The following EPHA5 variants were observed in gnomAD, a reference collection of about 807,000 sequenced individuals.
EPHA5 encodes the protein EPH receptor A5.
In EPHA5, 60 loss-of-function variants were observed where a neutral mutation model predicts 105.0. The ratio of observed to expected loss-of-function variants is 0.57; its 90% CI spans 0.46 to 0.71. The LOEUF (loss-of-function observed/expected upper bound fraction) is 0.71, where lower values mean the gene tolerates loss of function less well. EPHA5 is among the 30% of genes least tolerant of loss of function. The pLI, the probability that EPHA5 is intolerant of heterozygous loss-of-function variation, is 0.00. For missense variants in EPHA5, 1,218 were observed against 1,274.7 expected, an observed-to-expected ratio of 0.96 and a Z score of 0.68; for synonymous variants, 513 against 449.1, an observed-to-expected ratio of 1.14 and a Z score of -1.80.
chr4:65,636,675 A>G (rs759067620), intron 2 of EPHA5, among the ~76,000 whole-genome samples: 3 of 152,230 alleles, frequency 2.0e-5, no homozygotes, highest in Non-Finnish European at 2.9e-5. Flanking sequence ...TGCCAAATAC[A>G]GAATACGTGC....
At chr4:65,577,877 T>C (rs1429230514) in intron 3 of EPHA5, among the ~76,000 whole-genome samples, 1 of 152,156 alleles carries the variant, frequency 6.6e-6, no homozygotes, top group East Asian at 1.9e-4. Context: ...CTCATCAGAC[T>C]GGTATGTGAC....
chr4:65,546,237 CA>C (rs1319629224), intron 3 of EPHA5, among the ~76,000 whole-genome samples: 1 of 151,948 alleles, frequency 6.6e-6, no homozygotes, highest in African/African-American at 2.4e-5. Flanking sequence ...CATAATATTT[CA>C]GACACAAAAT....
At chr4:65,377,633 A>T (rs2148921777) in intron 8 of EPHA5, among the ~76,000 whole-genome samples, 1 of 152,128 alleles carries the variant, frequency 6.6e-6, no homozygotes, top group East Asian at 1.9e-4. Flanking sequence ...ATTTAAAAAC[A>T]GTATCTCCAA....
chr4:65,563,936 A>C (rs1052081454), intron 3 of EPHA5, among the ~76,000 whole-genome samples: 2 of 151,990 alleles, frequency 1.3e-5, no homozygotes, highest in South Asian at 2.1e-4. Context: ...ACTATAACAT[A>C]TTCCACAAAT....
At chr4:65,343,736 A>G (rs1168559867) in intron 14 of EPHA5, among the ~76,000 whole-genome samples, 2 of 152,186 alleles carry the variant, frequency 1.3e-5, no homozygotes, top group Non-Finnish European at 2.9e-5. Flanking sequence ...GAAAGTAACA[A>G]TGCATGCATT....
intron 2 of EPHA5, among the ~76,000 whole-genome samples, chr4:65,637,569 CATATATATATATATATAT>C (rs34456844): frequency 8.9e-6 from 1 of 112,436 alleles, no homozygotes; most frequent in South Asian, 3.0e-4. Flanking sequence ...ATGAGTTTTG[CATATATATATATATATAT>C]ATATATATAT....
intron 3 of EPHA5, among the ~76,000 whole-genome samples, chr4:65,532,412 A>C (rs1427089556): frequency 6.6e-6 from 1 of 151,976 alleles, no homozygotes; most frequent in African/African-American, 2.4e-5. Flanking sequence ...GACACATAAA[A>C]TTCAGGTACC....
In EPHA5 at chr4:65,404,076, A is replaced by G. The variant is rs186597662; in HGVS notation, c.1793+298T>C. 1.3e-3 allele frequency among the ~76,000 whole-genome samples: 199 copies of G among 152,284 alleles called. 1 individual carries two copies. The highest frequency in any genetic ancestry group is 0.01 in the Middle Eastern group (3 of 294). ...CATATACAATTTTGAGAGATAAAAA[A>G]TTTTCAGATTAAAAAATATGTGTCA... is the stretch of plus-strand genomic sequence containing the variant. On this transcript the variant is annotated intron_variant, in intron 8 of 16. Coordinates refer to ENST00000613740, the MANE Select transcript of EPHA5 (RefSeq NM_001281766.3).
chr4:65,555,090 A>G (rs1267991386), intron 3 of EPHA5, among the ~76,000 whole-genome samples: 2 of 150,872 alleles, frequency 1.3e-5, no homozygotes, highest in Non-Finnish European at 2.9e-5. Context: ...CTATGTTTCA[A>G]CATGAATTCA....
Position 65,322,719 on chromosome 4 carries a change from A to G in EPHA5, c.*1395T>C, listed in dbSNP as rs1480920613. The G allele has an allele frequency of 1.3e-5, 3 of 226,244 alleles. No individual in the cohort carries two copies. The highest frequency in any genetic ancestry group is 2.6e-5 in the Non-Finnish European group (3 of 113,674). The allele number at this position is 226,244 out of a possible 1,614,324, so 14.0% of individuals were successfully genotyped here. On this transcript the variant is annotated 3_prime_UTR_variant, in exon 17 of 17. Transcript: ENST00000613740. ...GGTTCAATAAAATAAACTCAAAGCC[A>G]TGTAACTGAATACAAACTGAAATTA...
chr4:65,474,697 A>C (rs561629827), intron 5 of EPHA5, among the ~76,000 whole-genome samples: 1 of 152,324 alleles, frequency 6.6e-6, no homozygotes, highest in Non-Finnish European at 1.5e-5. Context: ...GCCAAACTAC[A>C]AAATAGCTAA....
At chr4:65,422,642 A>G (rs573398053) in intron 5 of EPHA5, among the ~76,000 whole-genome samples, 2 of 152,170 alleles carry the variant, frequency 1.3e-5, no homozygotes, top group African/African-American at 2.4e-5. Flanking sequence ...TAGCTTTAAG[A>G]TATGTGGAAA....
intron 3 of EPHA5, among the ~76,000 whole-genome samples, chr4:65,508,593 A>G (rs531006340): frequency 3.0e-4 from 45 of 152,164 alleles, no homozygotes; most frequent in Non-Finnish European, 5.6e-4. Context: ...AAAGAATAAA[A>G]CCATTACATG....
chr4:65,464,511 A>G (rs1322897883), intron 5 of EPHA5, among the ~76,000 whole-genome samples: 6 of 152,152 alleles, frequency 3.9e-5, no homozygotes, highest in Admixed American at 3.9e-4. Flanking sequence ...ACGTTGTGAT[A>G]GTTTTGCCTA....
chr4:65,500,536 T>C (rs953479287), intron 3 of EPHA5, among the ~76,000 whole-genome samples: 2 of 147,752 alleles, frequency 1.4e-5, no homozygotes, highest in Admixed American at 1.3e-4. Flanking sequence ...TTAAAGATTC[T>C]CAAAATTACC....
chr4:65,617,168 T>A (rs1425127908), intron 2 of EPHA5, among the ~76,000 whole-genome samples: 1 of 152,130 alleles, frequency 6.6e-6, no homozygotes, highest in East Asian at 1.9e-4. Context: ...CTACTAAGTG[T>A]GGTCATTTAG....
intron 3 of EPHA5, among the ~76,000 whole-genome samples, chr4:65,556,459 A>G (rs574839665): frequency 6.6e-6 from 1 of 152,278 alleles, no homozygotes; most frequent in South Asian, 2.1e-4. Flanking sequence ...AGTGTGGGTA[A>G]AAAAGATATA....
chr4:65,399,880 T>C (rs967400842), intron 8 of EPHA5, among the ~76,000 whole-genome samples: 1 of 152,178 alleles, frequency 6.6e-6, no homozygotes, highest in Non-Finnish European at 1.5e-5. Flanking sequence ...CAAAAAGAGA[T>C]TGCTTCTATA....
chr4:65,439,467 A>C (rs1725809967), intron 5 of EPHA5, among the ~76,000 whole-genome samples: 1 of 127,824 alleles, frequency 7.8e-6, no homozygotes, highest in Non-Finnish European at 1.6e-5. Context: ...CTGCTTTGGG[A>C]TACCAAGTAT....
Sources: gnomAD v4.1 joint callset for allele counts (sites outside exome capture counted in the v4.1 genomes callset) on GRCh38, gnomAD v4.1.1 for gene constraint, MANE v1.5 for transcripts, NCBI Gene and HGNC (gene_info 2026-07-23, HGNC 2026-07-21) for gene names.